DRICH1: variants seen among roughly 807,000 people sequenced by gnomAD.
DRICH1 encodes aspartate-rich protein 1.
In DRICH1, 38 loss-of-function variants were observed where a neutral mutation model predicts 39.5. That is an observed-to-expected ratio of 0.96 (90% CI 0.74 to 1.26). DRICH1 has a LOEUF of 1.26. Ranked by LOEUF, DRICH1 falls within the 50% of genes most tolerant of loss-of-function variation. The pLI is 0.00. For missense variants in DRICH1, 279 were observed against 270.4 expected (o/e 1.03, Z -0.22); for synonymous variants, 84 against 99.5 (o/e 0.84, Z 0.93).
chr22:23,625,180 T>A (rs1053115937), intron 2 of DRICH1, among the ~76,000 whole-genome samples: 14 of 152,182 alleles, frequency 9.2e-5, no homozygotes, highest in African/African-American at 2.9e-4. Context: ...GCATTACAGT[T>A]GATGATGGAT....
At chr22:23,615,923 T>C (rs563101232) in intron 8 of DRICH1, among the ~76,000 whole-genome samples, 9 of 152,302 alleles carry the variant, frequency 5.9e-5, no homozygotes, top group Middle Eastern at 6.8e-3. Flanking sequence ...CTTCCACAAA[T>C]GATGGTAAAA....
At chr22:23,593,834 C>T in the DRICH1 span, among the ~76,000 whole-genome samples, 16 of 151,590 alleles carry the variant, frequency 1.1e-4, no homozygotes, top group East Asian at 3.9e-4. Context: ...AAAAATTAGC[C>T]GGGCGTGGTG....
rs1162689348 is a variant in DRICH1 at position 23,632,070 on chromosome 22, T to C, written c.-47A>G. The C allele has an allele frequency of 7.5e-6, 12 of 1,609,664 alleles. No homozygotes were observed. Among genetic ancestry groups the C allele is most frequent in the South Asian group, 1.1e-5 (1 of 90,800 alleles). ...ACTCCTGCCTCAGCCTTCAGCGAAA[T>C]TGTAACTGTGCTGCCCTAGCAGCCA... On this transcript the variant is annotated 5_prime_UTR_variant, in exon 1 of 12. Transcript: ENST00000317749.
chr22:23,591,382 T>C, the DRICH1 span, among the ~76,000 whole-genome samples: 1 of 152,172 alleles, frequency 6.6e-6, no homozygotes, highest in Non-Finnish European at 1.5e-5. Flanking sequence ...CCAGGCCCTG[T>C]TCTTGCTGGA....
At chr22:23,602,468 TG>T in the DRICH1 span, among the ~76,000 whole-genome samples, 9 of 152,082 alleles carry the variant, frequency 5.9e-5, no homozygotes, top group African/African-American at 2.2e-4. Flanking sequence ...GTGGGTCACT[TG>T]GGGCCAGGAA....
intron 3 of DRICH1, 89 bp from the exon 4 acceptor site, chr22:23,622,265 T>C: frequency 8.5e-7 from 1 of 1,177,846 alleles, no homozygotes. Flanking sequence ...TGTATGGAGG[T>C]GGTTGATTAA....
At chr22:23,622,248 G>A in intron 3 of DRICH1, 72 bp from the exon 4 acceptor site, 1 of 1,374,044 alleles carries the variant, frequency 7.3e-7, no homozygotes, top group Non-Finnish European at 1.0e-6. Flanking sequence ...AGCTTTGCTG[G>A]ATGTGGTGTA....
chr22:23,599,155 G>A, the DRICH1 span, among the ~76,000 whole-genome samples: 1 of 152,218 alleles, frequency 6.6e-6, no homozygotes, highest in Non-Finnish European at 1.5e-5. Flanking sequence ...TTTAGGAGTT[G>A]CAGATCTGGC....
intron 1 of DRICH1, among the ~76,000 whole-genome samples, chr22:23,631,284 T>C (rs543980791): frequency 6.6e-6 from 1 of 151,860 alleles, no homozygotes; most frequent in Non-Finnish European, 1.5e-5. Flanking sequence ...CCGGGCGTGG[T>C]AGTGGGCACC....
At chr22:23,617,714 C>G in intron 6 of DRICH1, 57 bp from the exon 7 acceptor site, 1 of 1,544,108 alleles carries the variant, frequency 6.5e-7, no homozygotes, top group Non-Finnish European at 9.0e-7. Flanking sequence ...GTGAGTCACT[C>G]AGGGAGCTTT....
chr22:23,617,604 C>A lies in DRICH1; in HGVS notation c.490G>T (p.Asp164Tyr). ...GCATCATCATCATCATCATCACAGTCATCATCTTCACTTCGTGGTAGGCAT... is the reference window on the plus strand; with the variant it reads ...GCATCATCATCATCATCATCACAGTAATCATCTTCACTTCGTGGTAGGCAT... ...LVCLPRSEDD[D>Y]CDDDDDDAQI... The change falls in exon 7 of 12, where the codon GAC becomes TAC. Residue 164 changes from aspartate (D) to tyrosine (Y), a missense_variant. Coordinates refer to ENST00000317749, the MANE Select transcript of DRICH1 (RefSeq NM_016449.4). 6.2e-7 allele frequency: 1 copy of A among 1,613,856 alleles called. No homozygotes were observed. Among genetic ancestry groups the A allele is most frequent in the Non-Finnish European group, 8.5e-7 (1 of 1,180,004 alleles).
intron 1 of DRICH1, among the ~76,000 whole-genome samples, chr22:23,628,705 A>G (rs1385497320): frequency 1.3e-5 from 2 of 152,338 alleles, no homozygotes; most frequent in Non-Finnish European, 2.9e-5. Flanking sequence ...CAGGAAGATC[A>G]GGCCTGGGAC....
At chr22:23,603,040 C>G in the DRICH1 span, among the ~76,000 whole-genome samples, 1 of 140,162 alleles carries the variant, frequency 7.1e-6, no homozygotes, top group African/African-American at 2.7e-5. Context: ...CAGTCTCTCT[C>G]TGTCGCCCAG....
intron 1 of DRICH1, among the ~76,000 whole-genome samples, chr22:23,628,136 G>A (rs1928179006): frequency 6.6e-6 from 1 of 152,216 alleles, no homozygotes; most frequent in South Asian, 2.1e-4. Flanking sequence ...GAGTTGCAAG[G>A]ATGAGCTGGA....
At chr22:23,611,805 G>C (rs542151410) in intron 11 of DRICH1, among the ~76,000 whole-genome samples, 1 of 152,150 alleles carries the variant, frequency 6.6e-6, no homozygotes, top group Non-Finnish European at 1.5e-5. Flanking sequence ...CATTACTTAC[G>C]TGTCTGTGGT....
At chr22:23,602,634 G>A in the DRICH1 span, among the ~76,000 whole-genome samples, 42 of 149,732 alleles carry the variant, frequency 2.8e-4, no homozygotes, top group African/African-American at 1.0e-3. Flanking sequence ...GCAGTGAGCC[G>A]AGATTCACCT....
At chr22:23,593,952 T>C in the DRICH1 span, among the ~76,000 whole-genome samples, 31 of 136,682 alleles carry the variant, frequency 2.3e-4, no homozygotes, top group Admixed American at 4.8e-4. Context: ...CACTCCAGCC[T>C]GGGCGACAGA....
chr22:23,604,715 A>T (rs1254566170), downstream of DRICH1, among the ~76,000 whole-genome samples: 2 of 152,168 alleles, frequency 1.3e-5, no homozygotes, highest in African/African-American at 4.8e-5. Flanking sequence ...ACCAATCAGA[A>T]ACCTCACTTT....
At chr22:23,607,971 C>A (rs1363545635), downstream of DRICH1, among the ~76,000 whole-genome samples, 1 of 152,250 alleles carries the variant, frequency 6.6e-6, no homozygotes, top group Admixed American at 6.5e-5. Flanking sequence ...GGTGGGGAAA[C>A]CCAGCTCTTG....
Sources: allele counts gnomAD v4.1 joint callset (sites outside exome capture counted in the v4.1 genomes callset), GRCh38; gene constraint gnomAD v4.1.1; transcripts MANE v1.5; gene names NCBI Gene and HGNC (gene_info 2026-07-23, HGNC 2026-07-21).